The following LRIG3 variants were observed in gnomAD, a reference collection of about 807,000 sequenced individuals.
LRIG3 encodes leucine-rich repeats and immunoglobulin-like domains protein 3.
LRIG3 carries 76 observed loss-of-function variants against 114.5 expected under a neutral mutation model. That is an observed-to-expected ratio of 0.66 (90% CI 0.55 to 0.80). The LOEUF (loss-of-function observed/expected upper bound fraction) is 0.80, where lower values mean the gene tolerates loss of function less well. LRIG3 is among the 30% of genes least tolerant of loss of function. The pLI, the probability that LRIG3 is intolerant of heterozygous loss-of-function variation, is 0.00. For synonymous variants in LRIG3, 512 were observed against 519.8 expected (o/e 0.98, Z 0.20); for missense variants, 1,239 against 1,382.8 (o/e 0.90, Z 1.65).
intron 3 of LRIG3, among the ~76,000 whole-genome samples, chr12:58,892,487 C>G (rs1046736534): frequency 1.3e-5 from 2 of 152,188 alleles, no homozygotes; most frequent in African/African-American, 4.8e-5. Context: ...TGTAACTCAT[C>G]AGTCTCTCAC....
chr12:58,882,823 G>GA, intron 12 of LRIG3, 46 bp downstream of exon 12: 2 of 1,529,672 alleles, frequency 1.3e-6, no homozygotes, highest in African/African-American at 1.4e-5. Context: ...ATGGGAGGGG[G>GA]AAAAAAGAAG....
rs576339228 is a variant in LRIG3, at chr12:58,892,008, A to T, written c.384-1212T>A. On this transcript the variant is annotated intron_variant, in intron 3 of 18. Transcript: ENST00000320743. ...ACCATTGTGTAAAGTTCTACTGGTG[A>T]CTGTTATACTGAACAAATGGAAAGA... Among the ~76,000 whole-genome samples, 9 of 152,182 alleles carry T rather than the reference A, an allele frequency of 5.9e-5. 1 individual carries two copies. The highest frequency in any genetic ancestry group is 1.9e-4 in the African/African-American group (8 of 41,522).
At chr12:58,919,605 AT>A (rs1872598842) in intron 1 of LRIG3, 2 of 1,512,828 alleles carry the variant, frequency 1.3e-6, no homozygotes, top group Admixed American at 4.2e-5. Flanking sequence ...AACCAGACTC[AT>A]AACTCAGCGA....
chr12:58,886,751 G>C (rs988059407), intron 9 of LRIG3, 59 bp downstream of exon 9: 2 of 1,455,678 alleles, frequency 1.4e-6, no homozygotes, highest in East Asian at 4.5e-5. Context: ...GCTGACTTCA[G>C]TGAAGACAAA....
chr12:58,906,211 CT>C (rs753350836), intron 3 of LRIG3, among the ~76,000 whole-genome samples: 1 of 152,184 alleles, frequency 6.6e-6, no homozygotes, highest in Non-Finnish European at 1.5e-5. Context: ...TGCTCCTCAA[CT>C]TCCATAATTA....
chr12:58,908,569 T>C (rs906048346), intron 3 of LRIG3, among the ~76,000 whole-genome samples: 11 of 152,222 alleles, frequency 7.2e-5, no homozygotes, highest in Admixed American at 5.2e-4. Context: ...AATCCTTGTG[T>C]TAAGTGACTT....
chr12:58,874,738 G>A (rs1401597543), intron 16 of LRIG3, among the ~76,000 whole-genome samples, 165 bp from the exon 17 acceptor site: 2 of 152,186 alleles, frequency 1.3e-5, no homozygotes, highest in African/African-American at 2.4e-5. Context: ...ATTTATTAGA[G>A]GACTTAATTA....
chr12:58,894,144 A>C (rs1871552428), intron 3 of LRIG3, among the ~76,000 whole-genome samples: 2 of 152,218 alleles, frequency 1.3e-5, no homozygotes, highest in South Asian at 4.1e-4. Context: ...TCCTTGCAGT[A>C]AAAGTATGCT....
intron 13 of LRIG3, chr12:58,880,299 CAAAAAAAAAAAAAAGA>C (rs1456528701): frequency 7.0e-6 from 2 of 287,578 alleles, no homozygotes; most frequent in African/African-American, 7.2e-5. Context: ...GATTCCGTCT[CAAAAAAAAAAAAAAGA>C]AAAAGAAAAA....
intron 3 of LRIG3, among the ~76,000 whole-genome samples, chr12:58,905,999 C>CT (rs895416812): frequency 1.3e-5 from 2 of 152,136 alleles, no homozygotes; most frequent in Non-Finnish European, 2.9e-5. Flanking sequence ...AAATGATGTC[C>CT]TTTACATGTG....
At chr12:58,877,901 C>A in intron 14 of LRIG3, 49 bp from the exon 15 acceptor site, 2 of 1,522,496 alleles carry the variant, frequency 1.3e-6, no homozygotes, top group South Asian at 2.5e-5. Context: ...ATTTAGTTTC[C>A]ATATCATAAA....
In LRIG3 at chr12:58,876,555, C is replaced by G; in HGVS notation, c.2585G>C (p.Gly862Ala). ...ADIPSYLSSQ[G>A]TLADRQDGYV... ...CCCATCCTGCCTGTCAGCTAACGTT[C>G]CCTGAGATGACAAATAACTAGGAAT... Residue 862 changes from glycine to alanine, a missense_variant, in exon 16 of 19, where the codon GGA becomes GCA. Coordinates refer to ENST00000320743, the MANE Select transcript of LRIG3 (RefSeq NM_153377.5). 6.2e-7 allele frequency: 1 copy of G among 1,614,150 alleles called. No individual in the cohort carries two copies.
At chr12:58,905,495 T>G (rs1872028642) in intron 3 of LRIG3, among the ~76,000 whole-genome samples, 1 of 152,222 alleles carries the variant, frequency 6.6e-6, no homozygotes, top group Non-Finnish European at 1.5e-5. Flanking sequence ...AAACGTAATA[T>G]CTGGTTTGTA....
intron 10 of LRIG3, among the ~76,000 whole-genome samples, chr12:58,884,262 T>G (rs1220800142): frequency 6.6e-6 from 1 of 152,208 alleles, no homozygotes; most frequent in East Asian, 1.9e-4. Context: ...TGAGCACATA[T>G]TCTGGATTAA....
intron 3 of LRIG3, among the ~76,000 whole-genome samples, chr12:58,896,238 T>C (rs947424666): frequency 6.6e-6 from 1 of 152,208 alleles, no homozygotes; most frequent in Admixed American, 6.5e-5. Context: ...CAGTAAAATA[T>C]AACTTATGAG....
chr12:58,891,684 C>G (rs916973424), intron 3 of LRIG3, among the ~76,000 whole-genome samples: 1 of 152,102 alleles, frequency 6.6e-6, no homozygotes, highest in African/African-American at 2.4e-5. Flanking sequence ...TCTTCAACAC[C>G]AATGAATATG....
chr12:58,874,403 C>G (rs745913986), intron 17 of LRIG3, 27 bp downstream of exon 17: 26 of 1,613,144 alleles, frequency 1.6e-5, no homozygotes, highest in Non-Finnish European at 2.5e-6. Context: ...AGAAACAGAA[C>G]TGTACTCAAG....
intron 3 of LRIG3, among the ~76,000 whole-genome samples, chr12:58,893,327 A>G (rs531565279): frequency 9.8e-5 from 15 of 152,370 alleles, no homozygotes; most frequent in African/African-American, 3.6e-4. Context: ...AAGTCATCAG[A>G]AAATCTAATG....
Position 58,880,825 on chromosome 12 carries a change from G to T in LRIG3, c.1557C>A (p.Ile519=), listed in dbSNP as rs771075384. ...SAIKGSNLSF[I]CSAASSSDSP... The stretch of plus-strand genomic sequence containing the variant: ...AATCACTGCTGCTGGCAGCTGAGCA[G>T]ATGAAACTCAAATTGGAACCTTTTA... Residue 519 remains isoleucine, a synonymous_variant, in exon 13 of 19, where the codon ATC becomes ATA. Coordinates refer to ENST00000320743, the MANE Select transcript of LRIG3 (RefSeq NM_153377.5). The T allele has an allele frequency of 6.2e-7, 1 of 1,614,214 alleles. No individual in the cohort carries two copies. The highest frequency in any genetic ancestry group is 8.5e-7 in the Non-Finnish European group (1 of 1,180,032).
Sources: allele counts gnomAD v4.1 joint callset (sites outside exome capture counted in the v4.1 genomes callset), GRCh38; gene constraint gnomAD v4.1.1; transcripts MANE v1.5; gene names NCBI Gene and HGNC (gene_info 2026-07-23, HGNC 2026-07-21).